STK3: variants seen among roughly 807,000 people sequenced by gnomAD.
STK3 encodes the protein serine/threonine kinase 3.
In STK3, 41 loss-of-function variants were observed where a neutral mutation model predicts 58.0. The ratio of observed to expected loss-of-function variants is 0.71; its 90% CI spans 0.55 to 0.92. The LOEUF is 0.92. Ranked by LOEUF, STK3 falls within the 40% of genes least tolerant of loss-of-function variation. The pLI, the probability that STK3 is intolerant of heterozygous loss-of-function variation, is 0.00. For synonymous variants in STK3, 170 were observed against 191.0 expected (o/e 0.89, Z 0.91); for missense variants, 479 against 602.7 (o/e 0.79, Z 2.15).
Position 98,548,105 on chromosome 8 carries a change from G to A in STK3, c.1005C>T (p.Gly335=), listed in dbSNP as rs773042434. 5 of 1,606,072 alleles carry A rather than the reference G, an allele frequency of 3.1e-6. No homozygotes were observed. The highest frequency in any genetic ancestry group is 3.4e-6 in the Non-Finnish European group (4 of 1,176,606). Residue 335 remains glycine, a synonymous_variant, in exon 9 of 11, where the codon GGC becomes GGT. Coordinates refer to ENST00000419617, the MANE Select transcript of STK3 (RefSeq NM_006281.4). ...TMVKTSVESV[G]TMRATSTMSE... is the part of the protein sequence containing the mutation. ...TCATCGTGCTTGTGGCCCGCATGGT[G>A]CCCACACTCTCCACACTAGTCTTCA... is the stretch of plus-strand genomic sequence containing the variant.
chr8:98,829,983 T>A (rs1403666338), upstream of STK3, among the ~76,000 whole-genome samples: 1 of 151,360 alleles, frequency 6.6e-6, no homozygotes, highest in Non-Finnish European at 1.5e-5. Flanking sequence ...TCCCAGCACT[T>A]TGGGAGGCCA....
At chr8:98,879,691 T>G (rs576277435), downstream of STK3, 3 of 152,310 alleles carry the variant, frequency 2.0e-5, no homozygotes, top group South Asian at 6.2e-4. Flanking sequence ...TTAATCAGTG[T>G]GCAATAACTT....
chr8:98,480,496 C>T (rs892423970), intron 10 of STK3, among the ~76,000 whole-genome samples: 2 of 152,054 alleles, frequency 1.3e-5, no homozygotes, highest in African/African-American at 4.8e-5. Context: ...GATTATCGTA[C>T]TAATATTGGA....
At chr8:98,890,240 A>G (rs17314249) in intron 1 of STK3, among the ~76,000 whole-genome samples, 4,729 of 152,310 alleles carry the variant, frequency 0.031, 99 homozygotes, top group Middle Eastern at 0.068. Flanking sequence ...AAGGACGCCA[A>G]CATGATTCTG....
intron 6 of STK3, among the ~76,000 whole-genome samples, chr8:98,653,803 T>A (rs1038465773): frequency 6.6e-6 from 1 of 152,166 alleles, no homozygotes; most frequent in African/African-American, 2.4e-5. Flanking sequence ...AATCTCTGAA[T>A]AGAACAATAA....
At chr8:98,664,887 C>T (rs1822223398) in intron 6 of STK3, among the ~76,000 whole-genome samples, 1 of 150,286 alleles carries the variant, frequency 6.7e-6, no homozygotes, top group Non-Finnish European at 1.5e-5. Context: ...GCAACAAGAG[C>T]AAAACTCCGT....
At chr8:98,758,888 G>A (rs188400413) in intron 3 of STK3, among the ~76,000 whole-genome samples, 1 of 152,314 alleles carries the variant, frequency 6.6e-6, no homozygotes, top group East Asian at 1.9e-4. Context: ...ACCAACCTCT[G>A]CTAGCTTCAA....
intron 6 of STK3, among the ~76,000 whole-genome samples, chr8:98,622,089 C>A (rs975737301): frequency 3.4e-5 from 5 of 144,988 alleles, no homozygotes; most frequent in African/African-American, 1.3e-4. Context: ...CATGGTAAAA[C>A]CCTGTCTCTA....
At chr8:98,756,229 G>A (rs1465618319) in intron 3 of STK3, among the ~76,000 whole-genome samples, 4 of 151,978 alleles carry the variant, frequency 2.6e-5, no homozygotes, top group Non-Finnish European at 4.4e-5. Context: ...AACTAAGACA[G>A]GACCTAATTT....
intron 4 of STK3, among the ~76,000 whole-genome samples, chr8:98,739,065 G>C (rs573031076): frequency 6.6e-6 from 1 of 152,390 alleles, no homozygotes; most frequent in African/African-American, 2.4e-5. Context: ...GCCCAAGCTT[G>C]CTTAGGTAAA....
At chr8:98,669,069 T>C (rs1822594245) in intron 6 of STK3, among the ~76,000 whole-genome samples, 1 of 145,614 alleles carries the variant, frequency 6.9e-6, no homozygotes, top group East Asian at 2.1e-4. Flanking sequence ...TAATCTCAGC[T>C]CACTGCAACC....
rs993840231 is a variant in STK3, at chr8:98,587,025, T to C, written c.823-7236A>G. On this transcript the variant is annotated intron_variant, in intron 7 of 10. Transcript: ENST00000419617. ...TAGTCTTGCTAGCGGTCTATCAATT[T>C]TGTTGATCCTTTCAAAAAACCAGCT... is the stretch of plus-strand genomic sequence containing the variant. Among the ~76,000 whole-genome samples, 31 of 152,250 alleles carry C rather than the reference T, an allele frequency of 2.0e-4. No individual in the cohort carries two copies. The East Asian group carries it at 5.4e-3, about 27-fold the overall frequency.
At chr8:98,494,654 CAAAAAAAAAAAAAA>C (rs398008984) in intron 10 of STK3, among the ~76,000 whole-genome samples, 2 of 40,458 alleles carry the variant, frequency 4.9e-5, no homozygotes, top group East Asian at 8.6e-4. Context: ...GACCCTGTCT[CAAAAAAAAAAAAAA>C]AAAAAAAAAA....
At chr8:98,916,722 A>G (rs1167603548) in intron 1 of STK3, among the ~76,000 whole-genome samples, 1 of 152,192 alleles carries the variant, frequency 6.6e-6, no homozygotes, top group Non-Finnish European at 1.5e-5. Context: ...GGCTCTGGGG[A>G]TATAGCATTA....
At chr8:98,856,461 ACAT>A (rs1359882464) in intron 3 of STK3, among the ~76,000 whole-genome samples, 5 of 152,262 alleles carry the variant, frequency 3.3e-5, no homozygotes, top group Admixed American at 3.3e-4. Flanking sequence ...AAAATGGTTG[ACAT>A]CATTAGTCAT....
chr8:98,763,241 A>G (rs760379151), intron 3 of STK3, among the ~76,000 whole-genome samples: 1 of 152,200 alleles, frequency 6.6e-6, no homozygotes, highest in Admixed American at 6.5e-5. Flanking sequence ...CCATTTAATA[A>G]ATACTCATTA....
At chr8:98,626,641 G>T (rs1212629497) in intron 6 of STK3, among the ~76,000 whole-genome samples, 1 of 152,132 alleles carries the variant, frequency 6.6e-6, no homozygotes, top group African/African-American at 2.4e-5. Context: ...CAAATATGAA[G>T]AAATAATTTA....
At chr8:98,537,249 T>A (rs1236402485) in intron 9 of STK3, among the ~76,000 whole-genome samples, 2 of 152,220 alleles carry the variant, frequency 1.3e-5, no homozygotes, top group Non-Finnish European at 2.9e-5. Context: ...AACCTAGTAT[T>A]AACATTTAGA....
intron 4 of STK3, among the ~76,000 whole-genome samples, chr8:98,731,919 A>C (rs1223599599): frequency 6.6e-6 from 1 of 152,174 alleles, no homozygotes; most frequent in Non-Finnish European, 1.5e-5. Flanking sequence ...CCATAACCCT[A>C]GAAGAAACAG....
Sources: gnomAD v4.1 joint callset for allele counts (sites outside exome capture counted in the v4.1 genomes callset) on GRCh38, gnomAD v4.1.1 for gene constraint, MANE v1.5 for transcripts, NCBI Gene and HGNC (gene_info 2026-07-23, HGNC 2026-07-21) for gene names.